MAPK9: variants seen among roughly 807,000 people sequenced by gnomAD.
MAPK9 encodes the protein mitogen-activated protein kinase 9, also known as Jun kinase.
Under a neutral mutation model 57.1 loss-of-function variants are expected in MAPK9, and 30 were observed. The ratio of observed to expected loss-of-function variants is 0.53; its 90% confidence interval spans 0.39 to 0.71. MAPK9 has a LOEUF of 0.71. Ranked by LOEUF, MAPK9 falls within the 30% of genes least tolerant of loss-of-function variation. MAPK9 has a pLI of 0.00. For missense variants in MAPK9, 362 were observed against 521.0 expected (o/e 0.69, Z 2.97); for synonymous variants, 155 against 177.0 (o/e 0.88, Z 0.99).
chr5:180,286,347 T>C (rs1762763507), intron 1 of MAPK9, among the ~76,000 whole-genome samples: 1 of 150,646 alleles, frequency 6.6e-6, no homozygotes, highest in African/African-American at 2.4e-5. Context: ...GGTTTCACTG[T>C]GTTAGCCAGG....
intron 3 of MAPK9, among the ~76,000 whole-genome samples, chr5:180,267,357 C>T (rs555810620): frequency 1.2e-3 from 176 of 151,900 alleles, no homozygotes; most frequent in Non-Finnish European, 1.9e-3. Flanking sequence ...GTCAGGAGAT[C>T]GAGACCATCC....
intron 5 of MAPK9, among the ~76,000 whole-genome samples, chr5:180,249,783 T>C (rs750201949): frequency 3.9e-5 from 6 of 152,252 alleles, no homozygotes; most frequent in African/African-American, 7.2e-5. Flanking sequence ...TATTATCATT[T>C]CAAAATGTAA....
intron 2 of MAPK9, among the ~76,000 whole-genome samples, chr5:180,277,452 T>C (rs560862984): frequency 6.6e-6 from 1 of 152,274 alleles, no homozygotes; most frequent in African/African-American, 2.4e-5. Context: ...TGTCTCCCTT[T>C]TGTAAGAAGG....
Position 180,243,053 on chromosome 5 carries a change from A to C in MAPK9, c.689-298T>G, listed in dbSNP as rs35411435. On this transcript the variant is annotated intron_variant, in intron 7 of 11. Coordinates refer to ENST00000452135, the MANE Select transcript of MAPK9 (RefSeq NM_002752.5). ...TTATCTTATAACTAAGAATACCTAT[A>C]GCAAAAATGATTAAACACGAAATTA... 1.1e-3 allele frequency among the ~76,000 whole-genome samples: 161 copies of C among 152,370 alleles called. No individual in the cohort carries two copies. The Middle Eastern group carries it at 0.024, about 23-fold the overall frequency.
chr5:180,291,782 A>C (rs1340877274), intron 1 of MAPK9, 66 bp downstream of exon 1: 2 of 147,078 alleles, frequency 1.4e-5, no homozygotes, highest in Middle Eastern at 3.5e-3. Context: ...CGGTTCCCTC[A>C]CCGCCCCTCC....
intron 11 of MAPK9, 70 bp from the exon 12 acceptor site, chr5:180,236,596 G>C: frequency 6.5e-7 from 1 of 1,541,124 alleles, no homozygotes; most frequent in Non-Finnish European, 8.9e-7. Context: ...CAGCGAGACT[G>C]CAGGCCATTT....
chr5:180,267,523 C>T (rs1312183338), intron 3 of MAPK9, among the ~76,000 whole-genome samples: 14 of 140,760 alleles, frequency 9.9e-5, no homozygotes, highest in African/African-American at 2.9e-4. Context: ...GATCGCGCCA[C>T]TGCCCTCCAG....
At chr5:180,267,902 G>T (rs186626989) in intron 3 of MAPK9, among the ~76,000 whole-genome samples, 1 of 151,796 alleles carries the variant, frequency 6.6e-6, no homozygotes, top group Non-Finnish European at 1.5e-5. Flanking sequence ...TCGCTCTGTC[G>T]CCCAGGCTGG....
At chr5:180,254,168 T>C (rs1759021003) in intron 5 of MAPK9, among the ~76,000 whole-genome samples, 1 of 152,170 alleles carries the variant, frequency 6.6e-6, no homozygotes, top group South Asian at 2.1e-4. Context: ...AGTTTCACCA[T>C]GTTGACCAGG....
At position 180,236,086 on chromosome 5, in the gene MAPK9, T is replaced by G. The variant is rs1757153144; in HGVS notation, c.*298A>C. ...GCACATACATCTCAACAGTTACAGA[T>G]GATGAGAAACTGTCACTAGTACAAT... is the stretch of plus-strand genomic sequence containing the variant. On this transcript the variant is annotated 3_prime_UTR_variant, in exon 12 of 12. Transcript: ENST00000452135. 2 of 220,154 alleles carry G rather than the reference T, an allele frequency of 9.1e-6. No individual in the cohort carries two copies. The highest frequency in any genetic ancestry group is 4.5e-5 in the African/African-American group (2 of 44,014). The allele number at this position is 220,154 out of a possible 1,614,324, so 13.6% of individuals were successfully genotyped here.
intron 2 of MAPK9, among the ~76,000 whole-genome samples, chr5:180,274,929 G>C (rs1761678166): frequency 6.6e-6 from 1 of 151,998 alleles, no homozygotes; most frequent in South Asian, 2.1e-4. Flanking sequence ...GTTATATCTA[G>C]CATGCTGTTA....
intron 5 of MAPK9, among the ~76,000 whole-genome samples, chr5:180,258,873 A>T (rs1163904478): frequency 2.0e-5 from 3 of 151,230 alleles, no homozygotes; most frequent in African/African-American, 4.9e-5. Flanking sequence ...AAAAAAAAAA[A>T]AAAAAAAAAA....
chr5:180,263,640 CCT>C (rs1760214824), intron 4 of MAPK9, among the ~76,000 whole-genome samples: 1 of 152,040 alleles, frequency 6.6e-6, no homozygotes, highest in Non-Finnish European at 1.5e-5. Context: ...CCACTGCTGT[CCT>C]GAGCGCTGTC....
At chr5:180,281,620 T>C (rs1251778655) in intron 1 of MAPK9, among the ~76,000 whole-genome samples, 1 of 152,244 alleles carries the variant, frequency 6.6e-6, no homozygotes, top group Non-Finnish European at 1.5e-5. Context: ...CTTTATGTTC[T>C]AGTATCTAAT....
chr5:180,239,050 G>C (rs1757435459), intron 10 of MAPK9, among the ~76,000 whole-genome samples: 1 of 152,220 alleles, frequency 6.6e-6, no homozygotes, highest in Non-Finnish European at 1.5e-5. Flanking sequence ...ATTTGAATAT[G>C]TTTCTCTATG....
At chr5:180,286,979 A>G (rs1762824456) in intron 1 of MAPK9, 1 of 152,258 alleles carries the variant, frequency 6.6e-6, no homozygotes, top group Non-Finnish European at 1.5e-5. Context: ...ACATACCACA[A>G]CTTGGGTGGA....
At chr5:180,242,823 T>C in intron 7 of MAPK9, 68 bp from the exon 8 acceptor site, 1 of 1,259,114 alleles carries the variant, frequency 7.9e-7, no homozygotes, top group Non-Finnish European at 1.1e-6. Context: ...GCAGCATCAC[T>C]TGAATAATAT....
chr5:180,247,836 G>C lies in MAPK9; in HGVS notation c.617-326C>G, dbSNP rs1246268103. 1 of 1,613,474 alleles carries C rather than the reference G, an allele frequency of 6.2e-7. No homozygotes were observed. The highest frequency in any genetic ancestry group is 2.2e-5 in the East Asian group (1 of 44,880). On this transcript the variant is annotated intron_variant, in intron 6 of 11. Coordinates refer to ENST00000452135, the MANE Select transcript of MAPK9 (RefSeq NM_002752.5). This position sits in a 1 kb window ranked among gnomAD's most constrained non-coding sequence, Gnocchi z 4.5. ...CCCCAGCCTCCATGGCCAAGTACCG[G>C]GTCCCCTGTGAAGGATACAGTCTCT...
intron 7 of MAPK9, chr5:180,246,710 G>T (rs1339096784): frequency 6.6e-6 from 1 of 152,234 alleles, no homozygotes; most frequent in Non-Finnish European, 1.5e-5. Context: ...GAAGGCTATT[G>T]TAACAATTAG....
Sources: gnomAD v4.1 joint callset for allele counts (sites outside exome capture counted in the v4.1 genomes callset) on GRCh38, gnomAD v4.1.1 for gene constraint, Gnocchi (gnomAD v3.1) non-coding constraint, MANE v1.5 for transcripts, NCBI Gene and HGNC (gene_info 2026-07-23, HGNC 2026-07-21) for gene names.